Variants in DLG3 observed in about 807,000 individuals in gnomAD.
DLG3 encodes the protein disks large homolog 3.
Under a neutral mutation model 64.1 loss-of-function variants are expected in DLG3, and 1 was observed. That is an observed-to-expected ratio of 0.02 (90% CI 0.01 to 0.07). The LOEUF (loss-of-function observed/expected upper bound fraction) is 0.07. Ranked by LOEUF, DLG3 falls within the 10% of genes least tolerant of loss-of-function variation. The probability of loss-of-function intolerance (pLI) is 1.00; values close to 1 mark genes in which losing one functional copy is unlikely to be tolerated. For synonymous variants in DLG3, 245 were observed against 259.8 expected, an observed-to-expected ratio of 0.94 and a Z score of 0.55; for missense variants, 429 against 669.5, an observed-to-expected ratio of 0.64 and a Z score of 3.96.
chrX:70,496,423 G>C lies in DLG3; in HGVS notation c.1819+970G>C, dbSNP rs747609254. Among the ~76,000 whole-genome samples, 9 of 112,489 alleles carry C rather than the reference G, an allele frequency of 8.0e-5. No homozygotes were observed. In the South Asian group the frequency reaches 3.3e-3, roughly 42 times the overall value. On this transcript the variant is annotated intron_variant, in intron 13 of 18. Transcript: ENST00000374360. ...CATTCGCGTGTCATCTTGGATGGGC[G>C]GGCTTTGTTTGTGCCTCCTACGAGC...
intron 1 of DLG3, among the ~76,000 whole-genome samples, chrX:70,446,983 CA>C (rs765097003): frequency 6.2e-5 from 7 of 112,564 alleles, no homozygotes; most frequent in East Asian, 5.6e-4. Flanking sequence ...TGCTTTCCCA[CA>C]TCCCTTGCCT....
intron 6 of DLG3, among the ~76,000 whole-genome samples, chrX:70,451,481 G>A (rs1342593167): frequency 1.8e-5 from 2 of 111,660 alleles, no homozygotes; most frequent in South Asian, 3.8e-4. Context: ...GCAAAAGGGA[G>A]CTAATGATGT....
chrX:70,454,906 G>C (rs962217919), intron 9 of DLG3, among the ~76,000 whole-genome samples: 1 of 113,174 alleles, frequency 8.8e-6, no homozygotes, highest in Admixed American at 9.2e-5. Context: ...CGAATGGGCG[G>C]GGCTGGTCAT....
intron 9 of DLG3, among the ~76,000 whole-genome samples, chrX:70,465,522 T>C (rs1981739694): frequency 8.9e-6 from 1 of 112,139 alleles, no homozygotes; most frequent in African/African-American, 3.2e-5. Context: ...TCTCCTGCAT[T>C]TAAAAGTATA....
chrX:70,481,369 C>G (rs1377889898), intron 10 of DLG3, among the ~76,000 whole-genome samples: 1 of 112,454 alleles, frequency 8.9e-6, no homozygotes, highest in Admixed American at 9.4e-5. Flanking sequence ...AAAACACTAG[C>G]TCCTCAAGAT....
rs777349801 is a variant in DLG3, at chrX:70,502,661, C to T, written c.*392C>T. 37 of 171,322 alleles carry T rather than the reference C, an allele frequency of 2.2e-4. No individual in the cohort carries two copies. The highest frequency in any genetic ancestry group is 3.1e-4 in the Admixed American group (4 of 12,791). The allele number at this position is 171,322 out of a possible 1,213,427, so 14.1% of individuals were successfully genotyped here. ...CGGCTTGTGAAGTGAGCTAAATGCA[C>T]CACATGATGAGATGCTCCTGGGCAT... On this transcript the variant is annotated 3_prime_UTR_variant, in exon 19 of 19. Coordinates refer to ENST00000374360, the MANE Select transcript of DLG3 (RefSeq NM_021120.4).
intron 16 of DLG3, among the ~76,000 whole-genome samples, 154 bp downstream of exon 16, chrX:70,500,203 C>G (rs1010318120): frequency 9.0e-6 from 1 of 111,692 alleles, no homozygotes; most frequent in Non-Finnish European, 1.9e-5. Context: ...ACGAAGCTAT[C>G]TGTCTCCTTC....
At chrX:70,490,011 C>T (rs776449471) in intron 10 of DLG3, among the ~76,000 whole-genome samples, 5 of 110,616 alleles carry the variant, frequency 4.5e-5, no homozygotes, top group South Asian at 7.8e-4. Flanking sequence ...TACAGGTGCC[C>T]GCTACCATGC....
At chrX:70,458,147 A>T (rs949452453) in intron 9 of DLG3, among the ~76,000 whole-genome samples, 5 of 111,160 alleles carry the variant, frequency 4.5e-5, no homozygotes, top group African/African-American at 1.6e-4. Context: ...AAGTGCTGGG[A>T]TTACAGGTGT....
At chrX:70,485,594 G>C (rs2087239982) in intron 10 of DLG3, among the ~76,000 whole-genome samples, 1 of 111,741 alleles carries the variant, frequency 8.9e-6, no homozygotes. Flanking sequence ...TGCCTTTGAG[G>C]CTATAGCGCT....
chrX:70,449,755 T>C lies in DLG3; in HGVS notation c.599T>C (p.Val200Ala). ...DVSEVVHSRA[V>A]EALKEAGPVV... ...TCGGAGGTGGTACACAGCCGGGCGG[T>C]GGAGGCGCTGAAGGAGGCAGGCCCT... The change falls in exon 4 of 19, where the codon GTG becomes GCG. Residue 200 changes from valine (V) to alanine (A), a missense_variant. Physicochemically the swap from Val to Ala is moderately conservative, Grantham distance 64 (BLOSUM62 0). Coordinates refer to ENST00000374360, the MANE Select transcript of DLG3 (RefSeq NM_021120.4). The C allele has an allele frequency of 8.3e-7, 1 of 1,209,160 alleles. No individual in the cohort carries two copies.
intron 9 of DLG3, chrX:70,455,876 A>G (rs1282760433): frequency 1.8e-5 from 2 of 111,137 alleles, no homozygotes; most frequent in Non-Finnish European, 3.8e-5. Flanking sequence ...CAGGTGCTCT[A>G]TTTCCGCGAT....
intron 2 of DLG3, 112 bp downstream of exon 2, chrX:70,449,075 A>C (rs919008318): frequency 2.2e-6 from 2 of 903,509 alleles, no homozygotes; most frequent in African/African-American, 3.9e-5. Flanking sequence ...CATTTAGAGG[A>C]TGGTGAAACA....
At chrX:70,495,280 C>G (rs1393634441) in intron 12 of DLG3, 128 bp from the exon 13 acceptor site, 1 of 600,286 alleles carries the variant, frequency 1.7e-6, no homozygotes, top group East Asian at 3.4e-5. Flanking sequence ...TTCCTCCCCC[C>G]TTGTCTTTTT....
intron 10 of DLG3, among the ~76,000 whole-genome samples, chrX:70,491,638 C>A (rs751715070): frequency 8.9e-6 from 1 of 112,272 alleles, no homozygotes; most frequent in African/African-American, 3.2e-5. Flanking sequence ...TTTGGCTGCC[C>A]GAGGACATAG....
intron 9 of DLG3, among the ~76,000 whole-genome samples, chrX:70,462,243 C>CTTTTTTTTTTTTTTTTTTTTT (rs141689653): frequency 2.1e-5 from 1 of 46,984 alleles, no homozygotes. Flanking sequence ...TTCTTTCTTT[C>CTTTTTTTTTTTTTTTTTTTTT]TTTTTTTTTT....
rs1369228494 is a variant in DLG3, at chrX:70,451,891, A to G, written c.1010A>G (p.His337Arg). 5 of 1,208,868 alleles carry G rather than the reference A, an allele frequency of 4.1e-6. No homozygotes were observed. The Admixed American group carries it at 6.6e-5, about 16-fold the overall frequency. Residue 337 changes from histidine to arginine, a missense_variant, in exon 7 of 19, where the codon CAC (histidine) becomes CGC (arginine). Around this residue, in one of 9 missense-constraint regions of DLG3, gnomAD observed 54 missense variants for 54.4 expected, o/e 0.99. Coordinates refer to ENST00000374360, the MANE Select transcript of DLG3 (RefSeq NM_021120.4). The part of the protein sequence containing the change: ...ASTFTALADN[H>R]ISHNSSLGYL... ...GCTTTTACTGCCTTGGCTGACAACCACATAAGCCATAATTCCAGCCTGGGT... is the reference window on the plus strand; with the variant it reads ...GCTTTTACTGCCTTGGCTGACAACCGCATAAGCCATAATTCCAGCCTGGGT...
intron 9 of DLG3, among the ~76,000 whole-genome samples, chrX:70,468,986 A>G (rs1158936259): frequency 1.8e-5 from 2 of 110,835 alleles, no homozygotes; most frequent in Non-Finnish European, 3.8e-5. Context: ...TGGACCCATC[A>G]TTAGAAACTA....
chrX:70,449,742 C>T lies in DLG3; in HGVS notation c.586C>T (p.His196Tyr), dbSNP rs1442639920. 8.3e-7 allele frequency: 1 copy of T among 1,210,552 alleles called. No homozygotes were observed. The highest frequency in any genetic ancestry group is 2.2e-5 in the Admixed American group (1 of 46,004). Residue 196 changes from histidine to tyrosine, a missense_variant, in exon 4 of 19, where the codon CAC becomes TAC. Around this residue, in one of 9 missense-constraint regions of DLG3, gnomAD observed 73 missense variants for 158.5 expected, o/e 0.46. Coordinates refer to ENST00000374360, the MANE Select transcript of DLG3 (RefSeq NM_021120.4). ...TGAGGTGGACGTGTCGGAGGTGGTA[C>T]ACAGCCGGGCGGTGGAGGCGCTGAA... Reference protein sequence around the residue: ...VNEVDVSEVVHSRAVEALKEA... With the variant: ...VNEVDVSEVVYSRAVEALKEA...
Sources: allele counts gnomAD v4.1 joint callset (sites outside exome capture counted in the v4.1 genomes callset), GRCh38; gene constraint gnomAD v4.1.1; regional missense constraint gnomAD v4.1.1; transcripts MANE v1.5; gene names NCBI Gene and HGNC (gene_info 2026-07-23, HGNC 2026-07-21).